GAB1: variants seen among roughly 807,000 people sequenced by gnomAD.
The protein encoded by GAB1 is GRB2-associated-binding protein 1.
Under a neutral mutation model 66.5 loss-of-function variants are expected in GAB1, and 19 were observed. That is an observed-to-expected ratio of 0.29 (90% CI 0.20 to 0.42). The LOEUF (loss-of-function observed/expected upper bound fraction) is 0.42. Ranked by LOEUF, GAB1 falls within the 10% of genes least tolerant of loss-of-function variation. GAB1 has a pLI of 1.00. For synonymous variants in GAB1, 294 were observed against 301.4 expected (o/e 0.98, Z 0.25); for missense variants, 732 against 858.5 (o/e 0.85, Z 1.84).
intron 1 of GAB1, among the ~76,000 whole-genome samples, chr4:143,338,551 A>G (rs1728730399): frequency 6.6e-6 from 1 of 152,226 alleles, no homozygotes; most frequent in East Asian, 1.9e-4. Flanking sequence ...GAAAGACTCG[A>G]TGCCACAAAT....
rs1447614346 is a variant in GAB1, at chr4:143,472,381, TATTTA to T, written c.*3196_*3200del. 1.3e-5 allele frequency: 2 copies of T among 152,206 alleles called. No individual in the cohort carries two copies. The highest frequency in any genetic ancestry group is 1.3e-4 in the Admixed American group (2 of 15,278). The allele number at this position is 152,206 out of a possible 1,614,324, so 9.4% of individuals were successfully genotyped here. A position where few individuals can be genotyped will look rare whatever the true frequency, so the allele number is the denominator to read the frequency against. On this transcript the variant is annotated 3_prime_UTR_variant, in exon 10 of 10. Coordinates refer to ENST00000262994, the MANE Select transcript of GAB1 (RefSeq NM_002039.4). ...TCATAATTTCTGCTGGACTCTTTTA[TATTTA>T]ATTAATGGGGATTATAGTCTTCCTT...
At chr4:143,405,124 TAGCATATGCC>T (rs1731975034) in intron 1 of GAB1, among the ~76,000 whole-genome samples, 1 of 152,208 alleles carries the variant, frequency 6.6e-6, no homozygotes, top group South Asian at 2.1e-4. Context: ...TTATACTTCA[TAGCATATGCC>T]ATTTTGTTCT....
At chr4:143,383,880 G>C (rs1206030623) in intron 1 of GAB1, among the ~76,000 whole-genome samples, 1 of 152,088 alleles carries the variant, frequency 6.6e-6, no homozygotes, top group Non-Finnish European at 1.5e-5. Flanking sequence ...TTCGAGACCA[G>C]CTTGGTCAAC....
intron 8 of GAB1, among the ~76,000 whole-genome samples, chr4:143,464,369 C>T (rs568470277): frequency 6.6e-6 from 1 of 152,068 alleles, no homozygotes; most frequent in Non-Finnish European, 1.5e-5. Flanking sequence ...GCTGGGATTA[C>T]AGGTGCCCAC....
At chr4:143,443,345 A>G (rs913509608) in intron 6 of GAB1, among the ~76,000 whole-genome samples, 59 of 152,244 alleles carry the variant, frequency 3.9e-4, no homozygotes, top group African/African-American at 1.3e-3. Flanking sequence ...AATAGTTATG[A>G]TACAGGAGAG....
chr4:143,367,372 C>T (rs1023108913), intron 1 of GAB1, among the ~76,000 whole-genome samples: 2 of 151,902 alleles, frequency 1.3e-5, no homozygotes, highest in Non-Finnish European at 2.9e-5. Context: ...AAAGGAAATT[C>T]GATATTTATT....
At chr4:143,410,156 C>T (rs1732299931) in intron 1 of GAB1, among the ~76,000 whole-genome samples, 1 of 151,904 alleles carries the variant, frequency 6.6e-6, no homozygotes, top group Admixed American at 6.6e-5. Context: ...TCTTGCCTGC[C>T]CATATATTGG....
Position 143,472,307 on chromosome 4 carries a change from G to T in GAB1, c.*3118G>T, listed in dbSNP as rs1176626731. 1 of 151,962 alleles carries T rather than the reference G, an allele frequency of 6.6e-6. No homozygotes were observed. Among genetic ancestry groups the T allele is most frequent in the Non-Finnish European group, 1.5e-5 (1 of 67,982 alleles). The allele number at this position is 151,962 out of a possible 1,614,324, so 9.4% of individuals were successfully genotyped here. On this transcript the variant is annotated 3_prime_UTR_variant, in exon 10 of 10. Transcript: ENST00000262994. ...ATATATAGCATTGTATTTAATCATA[G>T]ACTAAATTTAATTTGATATAGAAAT... is the stretch of plus-strand genomic sequence containing the variant.
At chr4:143,341,048 A>G (rs1040437093) in intron 1 of GAB1, among the ~76,000 whole-genome samples, 2 of 152,196 alleles carry the variant, frequency 1.3e-5, no homozygotes, top group Admixed American at 6.5e-5. Context: ...AATTTTTTCT[A>G]TATTCGCAAA....
intron 1 of GAB1, among the ~76,000 whole-genome samples, chr4:143,378,350 T>C (rs1342776249): frequency 1.3e-5 from 2 of 152,124 alleles, no homozygotes; most frequent in Non-Finnish European, 2.9e-5. Flanking sequence ...ATGGGGATAG[T>C]TGTGTGGATC....
intron 1 of GAB1, among the ~76,000 whole-genome samples, chr4:143,356,181 C>T (rs1181031677): frequency 1.3e-5 from 2 of 152,034 alleles, no homozygotes; most frequent in African/African-American, 4.8e-5. Context: ...CAAAGACAAG[C>T]AGTTAGTTGC....
At chr4:143,439,620 C>T (rs1734117680) in intron 4 of GAB1, 182 bp from the exon 5 acceptor site, 5 of 567,674 alleles carry the variant, frequency 8.8e-6, no homozygotes, top group East Asian at 8.6e-5. Context: ...TGAGTGTCTG[C>T]ATTTTCTAGT....
Position 143,413,924 on chromosome 4 carries a change from C to T in GAB1, c.73-1553C>T, listed in dbSNP as rs376562043. Among the ~76,000 whole-genome samples, 57 of 147,676 alleles carry T rather than the reference C, an allele frequency of 3.9e-4. No homozygotes were observed. In the East Asian group the frequency reaches 9.6e-3, roughly 25 times the overall value. On this transcript the variant is annotated intron_variant, in intron 1 of 9. Coordinates refer to ENST00000262994, the MANE Select transcript of GAB1 (RefSeq NM_002039.4). ...TGCAACTGCCAACTCCGGGTTCAAG[C>T]GATTCTCCTGCCTCAGCCTCCTAAG...
At chr4:143,451,492 A>G (rs1734929154) in intron 6 of GAB1, among the ~76,000 whole-genome samples, 1 of 152,130 alleles carries the variant, frequency 6.6e-6, no homozygotes. Context: ...TTTAAGATTT[A>G]TATATTTAAA....
At chr4:143,372,443 T>C (rs1730166526) in intron 1 of GAB1, among the ~76,000 whole-genome samples, 1 of 152,202 alleles carries the variant, frequency 6.6e-6, no homozygotes, top group Non-Finnish European at 1.5e-5. Flanking sequence ...TACATGAAAC[T>C]TACATTGTAG....
In GAB1 at chr4:143,471,903, C is replaced by T. The variant is rs1044748035; in HGVS notation, c.*2714C>T. The T allele has an allele frequency of 2.6e-5, 4 of 152,094 alleles. No homozygotes were observed. Among genetic ancestry groups the T allele is most frequent in the African/African-American group, 9.7e-5 (4 of 41,412 alleles). The allele number at this position is 152,094 out of a possible 1,614,324, so 9.4% of individuals were successfully genotyped here. A position where few individuals can be genotyped will look rare whatever the true frequency, so the allele number is the denominator to read the frequency against. Reference sequence around the variant, plus strand: ...ATAAAAACTAAATTTGAATCAAACCCTTTTAACTCACCTCCAAGAAGCTAG... The same window carrying T: ...ATAAAAACTAAATTTGAATCAAACCTTTTTAACTCACCTCCAAGAAGCTAG... On this transcript the variant is annotated 3_prime_UTR_variant, in exon 10 of 10. Coordinates refer to ENST00000262994, the MANE Select transcript of GAB1 (RefSeq NM_002039.4).
At chr4:143,432,764 CA>C (rs1201456858) in intron 2 of GAB1, among the ~76,000 whole-genome samples, 1 of 152,156 alleles carries the variant, frequency 6.6e-6, no homozygotes, top group African/African-American at 2.4e-5. Context: ...ACATGGTTTT[CA>C]AATTGCTTCA....
chr4:143,375,927 C>A (rs1730397932), intron 1 of GAB1, among the ~76,000 whole-genome samples: 1 of 152,114 alleles, frequency 6.6e-6, no homozygotes, highest in Non-Finnish European at 1.5e-5. Context: ...GCCCTGGAGG[C>A]AAAATAGCCG....
At chr4:143,370,326 C>T (rs1004557608) in intron 1 of GAB1, among the ~76,000 whole-genome samples, 2 of 152,134 alleles carry the variant, frequency 1.3e-5, no homozygotes, top group East Asian at 3.8e-4. Context: ...GGGACACAGC[C>T]AGCAGTTCTG....
Sources: allele counts gnomAD v4.1 joint callset (sites outside exome capture counted in the v4.1 genomes callset), GRCh38; gene constraint gnomAD v4.1.1; transcripts MANE v1.5; gene names NCBI Gene and HGNC (gene_info 2026-07-23, HGNC 2026-07-21).